The following ST6GALNAC3 variants were observed in gnomAD, a reference collection of about 807,000 sequenced individuals.
The protein encoded by ST6GALNAC3 is alpha-N-acetylgalactosaminide alpha-2,6-sialyltransferase 3.
Under a neutral mutation model 32.7 loss-of-function variants are expected in ST6GALNAC3, and 25 were observed. That is an observed-to-expected ratio of 0.76 (90% CI 0.56 to 1.07). ST6GALNAC3 has a LOEUF of 1.07. Among genes scored for constraint, ST6GALNAC3 ranks in the 50% least tolerant of loss-of-function variants. ST6GALNAC3 has a pLI of 0.00. For synonymous variants in ST6GALNAC3, 129 were observed against 133.1 expected (o/e 0.97, Z 0.21); for missense variants, 355 against 382.4 (o/e 0.93, Z 0.60).
chr1:76,607,059 G>A (rs1647605253), intron 3 of ST6GALNAC3, among the ~76,000 whole-genome samples: 1 of 152,030 alleles, frequency 6.6e-6, no homozygotes, highest in Non-Finnish European at 1.5e-5. Flanking sequence ...CAATAAATCA[G>A]GGGTGCTTAC....
chr1:76,298,799 A>T (rs1199891405), intron 1 of ST6GALNAC3, among the ~76,000 whole-genome samples: 1 of 152,096 alleles, frequency 6.6e-6, no homozygotes, highest in African/African-American at 2.4e-5. Flanking sequence ...ACCTGCTATC[A>T]GCACCACATG....
At chr1:76,199,369 C>T (rs17098328) in intron 1 of ST6GALNAC3, among the ~76,000 whole-genome samples, 12,761 of 152,216 alleles carry the variant, frequency 0.084, 588 homozygotes, top group African/African-American at 0.12. Context: ...TCACTTGTCA[C>T]TTCCATAAGG....
intron 2 of ST6GALNAC3, among the ~76,000 whole-genome samples, chr1:76,341,610 T>TTTCTTTCTTTCTTTCC (rs1647985936): frequency 5.0e-5 from 3 of 59,906 alleles, no homozygotes; most frequent in Non-Finnish European, 6.7e-5. Flanking sequence ...ACTGCTTTTC[T>TTTCTTTCTTTCTTTCC]TTCTTTCTTT....
chr1:76,511,328 C>T (rs1323749882), intron 3 of ST6GALNAC3, among the ~76,000 whole-genome samples: 2 of 152,200 alleles, frequency 1.3e-5, no homozygotes, highest in Non-Finnish European at 2.9e-5. Context: ...TCTTTTCCAC[C>T]CACTCTCATC....
intron 2 of ST6GALNAC3, among the ~76,000 whole-genome samples, chr1:76,402,970 T>C (rs761920900): frequency 2.7e-4 from 41 of 152,150 alleles, no homozygotes; most frequent in Middle Eastern, 3.4e-3. Flanking sequence ...GTATCGTCAA[T>C]CATTCCATCT....
At chr1:76,613,051 C>T (rs1648039724) in intron 3 of ST6GALNAC3, among the ~76,000 whole-genome samples, 1 of 152,170 alleles carries the variant, frequency 6.6e-6, no homozygotes, top group African/African-American at 2.4e-5. Flanking sequence ...ATGGCCTTGC[C>T]TGTGTCTGTA....
At chr1:76,391,950 T>C (rs1336394328) in intron 2 of ST6GALNAC3, among the ~76,000 whole-genome samples, 1 of 152,216 alleles carries the variant, frequency 6.6e-6, no homozygotes, top group African/African-American at 2.4e-5. Context: ...TTAGGCCTGT[T>C]ACCTAATTAC....
In ST6GALNAC3 at chr1:76,455,631, T is replaced by C. The variant is rs539324777; in HGVS notation, c.623+43214T>C. On this transcript the variant is annotated intron_variant, in intron 3 of 4. Coordinates refer to ENST00000328299, the MANE Select transcript of ST6GALNAC3 (RefSeq NM_152996.4). ...ATTCTCCATTGTGTCCGTTGCTCTCTTTATTTCAAGTACTGAGGGAAAAAA... is the reference window on the plus strand; with the variant it reads ...ATTCTCCATTGTGTCCGTTGCTCTCCTTATTTCAAGTACTGAGGGAAAAAA... Among the ~76,000 whole-genome samples, 3 of 152,288 alleles carry C rather than the reference T, an allele frequency of 2.0e-5. No individual in the cohort carries two copies. In the South Asian group the frequency reaches 6.2e-4, roughly 32 times the overall value.
At chr1:76,344,501 C>T (rs935624292) in intron 2 of ST6GALNAC3, among the ~76,000 whole-genome samples, 1 of 152,144 alleles carries the variant, frequency 6.6e-6, no homozygotes, top group African/African-American at 2.4e-5. Context: ...TCTGTCTCCA[C>T]CACTAGAATG....
At chr1:76,601,553 T>G (rs1178158808) in intron 3 of ST6GALNAC3, among the ~76,000 whole-genome samples, 1 of 152,210 alleles carries the variant, frequency 6.6e-6, no homozygotes, top group Admixed American at 6.5e-5. Context: ...AATTTAAACC[T>G]ATAGAACTCC....
At chr1:76,175,834 C>G (rs1652815997) in intron 1 of ST6GALNAC3, among the ~76,000 whole-genome samples, 1 of 152,128 alleles carries the variant, frequency 6.6e-6, no homozygotes, top group Non-Finnish European at 1.5e-5. Flanking sequence ...TTTGTGTGGT[C>G]TTTTAAGACT....
chr1:76,518,462 C>A (rs1557518485), intron 3 of ST6GALNAC3, among the ~76,000 whole-genome samples: 1 of 151,842 alleles, frequency 6.6e-6, no homozygotes, highest in East Asian at 1.9e-4. Context: ...TTTTCTTCTT[C>A]TTTTGTATTA....
At chr1:76,600,965 T>G (rs1296242055) in intron 3 of ST6GALNAC3, among the ~76,000 whole-genome samples, 2 of 152,138 alleles carry the variant, frequency 1.3e-5, no homozygotes, top group Non-Finnish European at 2.9e-5. Context: ...GGTGGATGGC[T>G]TTAGCCCAGA....
intron 3 of ST6GALNAC3, among the ~76,000 whole-genome samples, chr1:76,493,048 A>G (rs1445250567): frequency 2.1e-5 from 3 of 145,946 alleles, no homozygotes; most frequent in South Asian, 2.2e-4. Context: ...TTTTTTTCTT[A>G]TTTTAAAGGT....
chr1:76,269,676 C>G (rs1009483046), intron 1 of ST6GALNAC3, among the ~76,000 whole-genome samples: 1 of 152,186 alleles, frequency 6.6e-6, no homozygotes, highest in Non-Finnish European at 1.5e-5. Flanking sequence ...CTGTGGCTTT[C>G]TTAGTATAAG....
intron 1 of ST6GALNAC3, among the ~76,000 whole-genome samples, chr1:76,111,858 A>ACCATCTGATTTCTCAATCTTTTCC (rs1647974260): frequency 6.6e-6 from 1 of 152,022 alleles, no homozygotes; most frequent in Non-Finnish European, 1.5e-5. Context: ...AGACACGGCA[A>ACCATCTGATTTCTCAATCTTTTCC]CCATCTGATT....
chr1:76,179,291 A>G (rs1214206555), intron 1 of ST6GALNAC3, among the ~76,000 whole-genome samples: 1 of 152,234 alleles, frequency 6.6e-6, no homozygotes, highest in Non-Finnish European at 1.5e-5. Flanking sequence ...TCTTTTCAGC[A>G]AATGGCTTAC....
In ST6GALNAC3 at chr1:76,560,515, G is replaced by A. The variant is rs556927683; in HGVS notation, c.624-66937G>A. On this transcript the variant is annotated intron_variant, in intron 3 of 4. Transcript: ENST00000328299. Reference sequence around the variant, plus strand: ...AAATCTAATAATCCAATTAAAAAATGAGCAAAATATTTGAATAGATATTTC... The same window carrying A: ...AAATCTAATAATCCAATTAAAAAATAAGCAAAATATTTGAATAGATATTTC... Among the ~76,000 whole-genome samples the A allele has an allele frequency of 5.9e-5, 9 of 152,260 alleles. No homozygotes were observed. In the South Asian group the frequency reaches 1.7e-3, roughly 28 times the overall value.
chr1:76,320,453 T>G (rs966430741), intron 2 of ST6GALNAC3, among the ~76,000 whole-genome samples: 1 of 152,130 alleles, frequency 6.6e-6, no homozygotes, highest in African/African-American at 2.4e-5. Flanking sequence ...CCCTGCATAC[T>G]ATGTAGGGGG....
Sources: allele counts gnomAD v4.1 joint callset (sites outside exome capture counted in the v4.1 genomes callset), GRCh38; gene constraint gnomAD v4.1.1; transcripts MANE v1.5; gene names NCBI Gene and HGNC (gene_info 2026-07-23, HGNC 2026-07-21).